Variants in TBC1D9B observed in about 807,000 individuals in gnomAD.
The protein encoded by TBC1D9B is TBC1 domain family member 9B.
A neutral mutation model predicts 121.1 loss-of-function variants in TBC1D9B; 87 were observed. That is an observed-to-expected ratio of 0.72 (90% CI 0.60 to 0.86). The LOEUF (loss-of-function observed/expected upper bound fraction) is 0.86, where lower values mean the gene tolerates loss of function less well. TBC1D9B is among the 40% of genes least tolerant of loss of function. TBC1D9B has a pLI of 0.00. For missense variants in TBC1D9B, 1,540 were observed against 1,628.6 expected (o/e 0.95, Z 0.94); for synonymous variants, 668 against 670.1 (o/e 1.00, Z 0.05).
At chr5:179,897,655 C>T (rs746082652) in intron 3 of TBC1D9B, among the ~76,000 whole-genome samples, 3 of 152,222 alleles carry the variant, frequency 2.0e-5, no homozygotes, top group Non-Finnish European at 4.4e-5. Flanking sequence ...ATTTCCATTT[C>T]TTCCTTGGCC....
chr5:179,869,637 A>G, intron 17 of TBC1D9B, 132 bp downstream of exon 17: 1 of 962,522 alleles, frequency 1.0e-6, no homozygotes, highest in Non-Finnish European at 1.6e-6. Flanking sequence ...CCTCTCCTCC[A>G]ATGTGAACCT....
Position 179,867,583 on chromosome 5 carries a change from G to A in TBC1D9B, c.2863+195C>T, listed in dbSNP as rs1218406673. On this transcript the variant is annotated intron_variant, in intron 18 of 20. Coordinates refer to ENST00000355235, the MANE Select transcript of TBC1D9B (RefSeq NM_015043.4). ...ACAGAGACACAAGAGAAACAGGAGT[G>A]AGGACATCCACAGGGGGCGGCCCCA... 2.6e-6 allele frequency: 4 copies of A among 1,520,450 alleles called. No individual in the cohort carries two copies. The South Asian group carries it at 3.6e-5, about 14-fold the overall frequency. The allele number at this position is 1,520,450 out of a possible 1,614,324, so 94.2% of individuals were successfully genotyped here. A position where few individuals can be genotyped will look rare whatever the true frequency, so the allele number is the denominator to read the frequency against.
chr5:179,862,355 A>G lies in TBC1D9B; in HGVS notation c.*1093T>C, dbSNP rs1759867007. Reference sequence around the variant, plus strand: ...CAGTTTCAGCTCCTCATGCAAAGTGAGGGTATCCTTGTGGCTCCAGCCCTG... The same window carrying G: ...CAGTTTCAGCTCCTCATGCAAAGTGGGGGTATCCTTGTGGCTCCAGCCCTG... On this transcript the variant is annotated 3_prime_UTR_variant, in exon 21 of 21. Transcript: ENST00000355235. 3.0e-6 allele frequency: 1 copy of G among 331,642 alleles called. No homozygotes were observed. Among genetic ancestry groups the G allele is most frequent in the Admixed American group, 3.7e-5 (1 of 27,122 alleles). The allele number at this position is 331,642 out of a possible 1,614,324, so 20.5% of individuals were successfully genotyped here.
chr5:179,877,809 G>C (rs1760403405), intron 10 of TBC1D9B, among the ~76,000 whole-genome samples: 2 of 152,182 alleles, frequency 1.3e-5, no homozygotes, highest in Non-Finnish European at 2.9e-5. Flanking sequence ...GCCAGGCACA[G>C]TAAGGCAAAT....
rs1361389491 is a variant in TBC1D9B, at chr5:179,862,259, A to AG, written c.*1188dup. 3 of 246,222 alleles carry AG rather than the reference A, an allele frequency of 1.2e-5. No homozygotes were observed. Among genetic ancestry groups the AG allele is most frequent in the Non-Finnish European group, 2.6e-5 (3 of 115,118 alleles). 15.3% of individuals were successfully genotyped at this position (246,222 alleles called of 1,614,324 possible). ...ATATCCACTGTATCCCCTGTGGATA[A>AG]GGGGGTAACTGCTGTATCTTTTAGT... On this transcript the variant is annotated 3_prime_UTR_variant, in exon 21 of 21. Transcript: ENST00000355235.
intron 1 of TBC1D9B, among the ~76,000 whole-genome samples, chr5:179,906,742 C>T (rs1183814768): frequency 6.6e-6 from 1 of 152,204 alleles, no homozygotes; most frequent in Non-Finnish European, 1.5e-5. Flanking sequence ...AGAAACGTGG[C>T]CCAGGAGAAG....
Position 179,879,618 on chromosome 5 carries a change from C to T in TBC1D9B, c.1416+10G>A. 6.2e-7 allele frequency: 1 copy of T among 1,613,796 alleles called. No individual in the cohort carries two copies. Among genetic ancestry groups the T allele is most frequent in the Non-Finnish European group, 8.5e-7 (1 of 1,179,852 alleles). On this transcript the variant is annotated intron_variant, in intron 8 of 20. Transcript: ENST00000355235. The stretch of plus-strand genomic sequence containing the variant: ...TGACGGAGGCTGGAGTGCCGGCGCT[C>T]AGGGCTCACCCCCTTGGCTCCAAGG...
intron 17 of TBC1D9B, chr5:179,869,380 T>A (rs903530718): frequency 1.1e-5 from 4 of 374,036 alleles, no homozygotes; most frequent in Non-Finnish European, 1.1e-5. Flanking sequence ...CATGGCCATG[T>A]GACAGGATTC....
rs1366409604 is a variant in TBC1D9B, at chr5:179,873,170, A to G, written c.2265T>C (p.Asp755=). 3.1e-6 allele frequency: 5 copies of G among 1,613,226 alleles called. No individual in the cohort carries two copies. The highest frequency in any genetic ancestry group is 4.2e-6 in the Non-Finnish European group (5 of 1,179,700). The change falls in exon 13 of 21, where the codon GAT becomes GAC. Residue 755 remains aspartate, a synonymous_variant. Coordinates refer to ENST00000355235, the MANE Select transcript of TBC1D9B (RefSeq NM_015043.4). ...AGATGTCCACCTCTGCAGGGGGGTC[A>G]TCGCTGCTGCTCAGCAAGGCACGGA... is the stretch of plus-strand genomic sequence containing the variant. The part of the protein sequence containing the change: ...PHLRALLSSS[D]DPPAEVDIFE...
intron 7 of TBC1D9B, among the ~76,000 whole-genome samples, chr5:179,882,189 C>A (rs1370734762): frequency 6.6e-6 from 1 of 152,208 alleles, no homozygotes; most frequent in African/African-American, 2.4e-5. Context: ...AGGTGACCCG[C>A]CTGCCTCGGC....
chr5:179,863,887 C>G lies in TBC1D9B; in HGVS notation c.3263G>C (p.Gly1088Ala). The change falls in exon 21 of 21, where the codon GGA becomes GCA. Residue 1088 changes from glycine (G) to alanine (A), a missense_variant. Coordinates refer to ENST00000355235, the MANE Select transcript of TBC1D9B (RefSeq NM_015043.4). The surrounding 1 kb of genome is among the most constrained non-coding windows in gnomAD (Gnocchi z 4.5). ...AARELQPPAA[G>A]DPQAKAGGDT... Reference sequence around the variant, plus strand: ...TCCGCCTGCTTTGGCTTGGGGGTCTCCTGCAGCTGGGGGCTGAAGCTCCCT... The same window carrying G: ...TCCGCCTGCTTTGGCTTGGGGGTCTGCTGCAGCTGGGGGCTGAAGCTCCCT... The G allele has an allele frequency of 6.2e-7, 1 of 1,613,174 alleles. No individual in the cohort carries two copies. The highest frequency in any genetic ancestry group is 8.5e-7 in the Non-Finnish European group (1 of 1,179,530).
In TBC1D9B at chr5:179,891,339, G is replaced by C; in HGVS notation, c.1044+40C>G. 1.9e-6 allele frequency: 3 copies of C among 1,611,404 alleles called. No homozygotes were observed. Among genetic ancestry groups the C allele is most frequent in the East Asian group, 2.2e-5 (1 of 44,844 alleles). ...GTCCCTGAGCCCACTGACACCTCGG[G>C]GCTGGAAAGGCCTTGGCCTCTCAAC... is the stretch of plus-strand genomic sequence containing the variant. On this transcript the variant is annotated intron_variant, in intron 6 of 20. Transcript: ENST00000355235. The surrounding 1 kb of genome is among the most constrained non-coding windows in gnomAD (Gnocchi z 4.3).
In TBC1D9B at chr5:179,875,201, G is replaced by A. The variant is rs762776173; in HGVS notation, c.1901-14C>T. 7.5e-6 allele frequency: 12 copies of A among 1,609,838 alleles called. No individual in the cohort carries two copies. The highest frequency in any genetic ancestry group is 5.0e-5 in the Admixed American group (3 of 59,970). ...CCACCAGGGCTCCTGCGGGCAGGAT[G>A]AGCGAGGCTGATGGTGAGCCCACCC... On this transcript the variant is annotated splice_polypyrimidine_tract_variant and intron_variant, in intron 11 of 20. Transcript: ENST00000355235. This position sits in a 1 kb window ranked among gnomAD's most constrained non-coding sequence, Gnocchi z 4.5.
chr5:179,873,870 G>A (rs979000972), intron 12 of TBC1D9B, among the ~76,000 whole-genome samples: 3 of 152,144 alleles, frequency 2.0e-5, no homozygotes, highest in Non-Finnish European at 2.9e-5. Context: ...TCAGACCCCT[G>A]CTCTGGAGGA....
Position 179,907,628 on chromosome 5 carries a change from G to T in TBC1D9B, c.118+76C>A. ...CCGAGGCCGGGCCGGAACCGGACCC[G>T]CCCGCCGCCCGCCGCCAGCCCCGCC... is the stretch of plus-strand genomic sequence containing the variant. On this transcript the variant is annotated intron_variant, in intron 1 of 20. Transcript: ENST00000355235. This position sits in a 1 kb window ranked among gnomAD's most constrained non-coding sequence, Gnocchi z 5.3. 1.2e-6 allele frequency: 1 copy of T among 805,218 alleles called. No individual in the cohort carries two copies. The highest frequency in any genetic ancestry group is 1.5e-6 in the Non-Finnish European group (1 of 668,344). 49.9% of individuals were successfully genotyped at this position (805,218 alleles called of 1,614,324 possible). A position where few individuals can be genotyped will look rare whatever the true frequency, so the allele number is the denominator to read the frequency against.
chr5:179,904,863 G>A lies in TBC1D9B; in HGVS notation c.119-51C>T. The stretch of plus-strand genomic sequence containing the variant: ...AGGGTGAGGGGAGGGCCGGACTGAG[G>A]CCCCTGAAGGCTGAGTCTGGCCGGA... On this transcript the variant is annotated intron_variant, in intron 1 of 20. Transcript: ENST00000355235. This position sits in a 1 kb window ranked among gnomAD's most constrained non-coding sequence, Gnocchi z 4.2. 1 of 1,399,776 alleles carries A rather than the reference G, an allele frequency of 7.1e-7. No homozygotes were observed. Among genetic ancestry groups the A allele is most frequent in the Non-Finnish European group, 9.7e-7 (1 of 1,029,748 alleles). The allele number at this position is 1,399,776 out of a possible 1,614,324, so 86.7% of individuals were successfully genotyped here. A position where few individuals can be genotyped will look rare whatever the true frequency, so the allele number is the denominator to read the frequency against.
chr5:179,900,886 C>T (rs1302849407), intron 2 of TBC1D9B, among the ~76,000 whole-genome samples: 3 of 152,292 alleles, frequency 2.0e-5, no homozygotes, highest in Admixed American at 2.0e-4. Context: ...ACGCCTGCCC[C>T]GACCACCTTC....
chr5:179,879,263 C>T (rs1760460721), intron 8 of TBC1D9B, 66 bp from the exon 9 acceptor site: 14 of 1,545,782 alleles, frequency 9.1e-6, no homozygotes, highest in Non-Finnish European at 1.1e-5. Context: ...GCCTAGGCCA[C>T]CGCGGAAGCC....
At chr5:179,880,106 G>A in intron 7 of TBC1D9B, 1 of 406,696 alleles carries the variant, frequency 2.5e-6, no homozygotes, top group Non-Finnish European at 4.4e-6. Context: ...GACAGGAGAG[G>A]CCCTATCCTA....
Sources: gnomAD v4.1 joint callset for allele counts (sites outside exome capture counted in the v4.1 genomes callset) on GRCh38, gnomAD v4.1.1 for gene constraint, Gnocchi (gnomAD v3.1) non-coding constraint, MANE v1.5 for transcripts, NCBI Gene and HGNC (gene_info 2026-07-23, HGNC 2026-07-21) for gene names.